IQSEC2: variants seen among roughly 807,000 people sequenced by gnomAD.
The protein encoded by IQSEC2 is IQ motif and Sec7 domain ArfGEF 2.
In IQSEC2, 6 loss-of-function variants were observed where a neutral mutation model predicts 74.6. That is an observed-to-expected ratio of 0.08 (90% confidence interval 0.04 to 0.16). IQSEC2 has a LOEUF of 0.16. Among genes scored for constraint, IQSEC2 ranks in the 10% least tolerant of loss-of-function variants. The pLI is 1.00. For synonymous variants in IQSEC2, 494 were observed against 544.5 expected (o/e 0.91, Z 1.29); for missense variants, 734 against 1,306.2 (o/e 0.56, Z 6.75).
intron 1 of IQSEC2, among the ~76,000 whole-genome samples, chrX:53,311,111 G>T (rs1280678451): frequency 2.6e-4 from 2 of 7,703 alleles, no homozygotes. Context: ...CAGAACGAGA[G>T]ACTCCATCTC....
At chrX:53,278,003 CTTTTTTTT>C (rs36027805) in intron 2 of IQSEC2, among the ~76,000 whole-genome samples, 6 of 37,576 alleles carry the variant, frequency 1.6e-4, no homozygotes, top group Non-Finnish European at 2.6e-4. Context: ...TTTTCTTTTT[CTTTTTTTT>C]TTTTTTTTTT....
At chrX:53,281,478 CG>C in intron 2 of IQSEC2, 1 of 1,009,789 alleles carries the variant, frequency 9.9e-7, no homozygotes, top group Admixed American at 2.7e-5. Flanking sequence ...GGCCAGGCTG[CG>C]GGGCCCAGGT....
downstream of IQSEC2, chrX:53,230,592 TTTTG>T (rs1193064912): frequency 1.6e-4 from 19 of 115,502 alleles, no homozygotes; most frequent in South Asian, 3.5e-4. Context: ...TGTCCTTTGT[TTTTG>T]TTTGTTTGTT....
At chrX:53,237,840 T>C in intron 12 of IQSEC2, 1 of 310,450 alleles carries the variant, frequency 3.2e-6, no homozygotes, top group Non-Finnish European at 5.8e-6. Context: ...ACCCAGATAA[T>C]GAGTAGTATA....
intron 1 of IQSEC2, among the ~76,000 whole-genome samples, chrX:53,315,138 C>T (rs1231881964): frequency 2.7e-5 from 3 of 112,036 alleles, no homozygotes; most frequent in Non-Finnish European, 5.6e-5. Flanking sequence ...TGCCTGTAAT[C>T]CCAGCACTTT....
rs368559547 is a variant in IQSEC2 at position 53,255,996 on chromosome X, G to T, written c.803C>A (p.Pro268His). 5 of 1,188,757 alleles carry T rather than the reference G, an allele frequency of 4.2e-6. No homozygotes were observed. The highest frequency in any genetic ancestry group is 5.7e-6 in the Non-Finnish European group (5 of 882,814). ...GGGGGGCAGCTGGCTCAGCCGGTAGGGGGGTTGGCTCCCAGGACTATCAAC... is the reference window on the plus strand; with the variant it reads ...GGGGGGCAGCTGGCTCAGCCGGTAGTGGGGTTGGCTCCCAGGACTATCAAC... Reference protein sequence around the residue: ...TAVDSPGSQPPYRLSQLPPSS... With the variant: ...TAVDSPGSQPHYRLSQLPPSS... The change falls in exon 3 of 15, where the codon CCC (proline) becomes CAC (histidine). Residue 268 changes from proline (P) to histidine (H), a missense_variant. By Grantham distance (77) the Pro-to-His change is moderately conservative. Around this residue, in one of 12 missense-constraint regions of IQSEC2, gnomAD observed 54 missense variants for 62.1 expected, o/e 0.87. Transcript: ENST00000642864.
intron 1 of IQSEC2, among the ~76,000 whole-genome samples, chrX:53,300,351 C>A (rs2075199481): frequency 8.9e-6 from 1 of 111,736 alleles, no homozygotes. Context: ...CCTCCATGAC[C>A]CATTTAGGCA....
intron 1 of IQSEC2, among the ~76,000 whole-genome samples, chrX:53,293,755 G>A (rs782504168): frequency 3.6e-5 from 4 of 112,077 alleles, no homozygotes; most frequent in Admixed American, 9.5e-5. Context: ...TCGTGGACTG[G>A]CCACTTGTCC....
At chrX:53,249,032 A>T in intron 5 of IQSEC2, 150 bp from the exon 6 acceptor site, 1 of 557,516 alleles carries the variant, frequency 1.8e-6, no homozygotes. Context: ...CCATCATGGC[A>T]CAAGTGAGAA....
At chrX:53,230,483 TACTGA>T (rs1282614843), downstream of IQSEC2, 7 of 113,134 alleles carry the variant, frequency 6.2e-5, no homozygotes, top group African/African-American at 2.2e-4. Context: ...GTGGTTACCG[TACTGA>T]ACAGCACAGG....
At chrX:53,305,946 C>T (rs899633238) in intron 1 of IQSEC2, among the ~76,000 whole-genome samples, 134 of 112,115 alleles carry the variant, frequency 1.2e-3, no homozygotes, top group African/African-American at 4.2e-3. Context: ...AAGGAAGGTG[C>T]GGTTAGGCAC....
Position 53,234,699 on chromosome X carries a change from T to C in IQSEC2, c.3987A>G (p.Pro1329=). Reference sequence around the variant, plus strand: ...GGCCCAAGGTATAGTGTTGGGGCCCTGGGACTGGGCCATGGGCGTGGAAGT... The same window carrying C: ...GGCCCAAGGTATAGTGTTGGGGCCCCGGGACTGGGCCATGGGCGTGGAAGT... ...HRHFHAHGPV[P]GPQHYTLGRP... The change falls in exon 15 of 15, where the codon CCA becomes CCG. Residue 1329 remains proline (P), a synonymous_variant. Coordinates refer to ENST00000642864, the MANE Select transcript of IQSEC2 (RefSeq NM_001111125.3). 8.8e-7 allele frequency: 1 copy of C among 1,132,089 alleles called. No individual in the cohort carries two copies. The highest frequency in any genetic ancestry group is 1.2e-6 in the Non-Finnish European group (1 of 856,675). 93.3% of individuals were successfully genotyped at this position (1,132,089 alleles called of 1,213,427 possible).
chrX:53,232,316 C>T (rs1556858497), downstream of IQSEC2, among the ~76,000 whole-genome samples: 1 of 111,694 alleles, frequency 9.0e-6, no homozygotes, highest in African/African-American at 3.3e-5. Flanking sequence ...TAGCCCTGTG[C>T]CTTCCAAATC....
chrX:53,260,364 G>T (rs1237178760), intron 2 of IQSEC2, among the ~76,000 whole-genome samples: 8 of 111,808 alleles, frequency 7.2e-5, no homozygotes, highest in Non-Finnish European at 1.3e-4. Flanking sequence ...GTGAATGAGA[G>T]GAGATAGGAG....
intron 2 of IQSEC2, among the ~76,000 whole-genome samples, chrX:53,263,123 C>T (rs1363280286): frequency 8.9e-6 from 1 of 112,207 alleles, no homozygotes. Flanking sequence ...CCCGTGCCTT[C>T]CCACAGTGGC....
chrX:53,314,096 A>T (rs1203794748), intron 1 of IQSEC2, among the ~76,000 whole-genome samples: 6 of 111,806 alleles, frequency 5.4e-5, no homozygotes, highest in Non-Finnish European at 1.1e-4. Flanking sequence ...GGCACAAGTG[A>T]TCCTCCCGCC....
chrX:53,293,202 G>A (rs782090726), intron 1 of IQSEC2, among the ~76,000 whole-genome samples: 19 of 112,490 alleles, frequency 1.7e-4, no homozygotes, highest in Non-Finnish European at 3.2e-4. Flanking sequence ...TGCAACCACA[G>A]CACTCCCGGT....
chrX:53,237,130 C>G (rs2074143551), intron 12 of IQSEC2, among the ~76,000 whole-genome samples: 1 of 111,900 alleles, frequency 8.9e-6, no homozygotes, highest in Admixed American at 9.5e-5. Flanking sequence ...GAGGAAGAAA[C>G]TGAGTATCCG....
intron 1 of IQSEC2, among the ~76,000 whole-genome samples, chrX:53,320,202 C>T (rs1358441525): frequency 9.0e-6 from 1 of 111,420 alleles, no homozygotes; most frequent in Admixed American, 9.4e-5. Context: ...GCCGCGGTAC[C>T]GGGAAAGAAG....
Sources: gnomAD v4.1 joint callset for allele counts (sites outside exome capture counted in the v4.1 genomes callset) on GRCh38, gnomAD v4.1.1 for gene constraint, gnomAD v4.1.1 regional missense constraint, MANE v1.5 for transcripts, NCBI Gene and HGNC (gene_info 2026-07-23, HGNC 2026-07-21) for gene names.